Variants in PURA observed in about 807,000 individuals in gnomAD.
PURA encodes the protein purine rich element binding protein A, also known as transcriptional activator protein Pur-alpha.
PURA carries 2 observed loss-of-function variants against 23.1 expected under a neutral mutation model. The observed-to-expected ratio is 0.09, with a 90% confidence interval of 0.04 to 0.27. PURA has a LOEUF of 0.27. PURA is among the 10% of genes least tolerant of loss of function. The pLI, the probability that PURA is intolerant of heterozygous loss-of-function variation, is 1.00. For synonymous variants in PURA, 254 were observed against 205.9 expected, an observed-to-expected ratio of 1.23 and a Z score of -2.00; for missense variants, 187 against 449.7, an observed-to-expected ratio of 0.42 and a Z score of 5.28.
rs748172780 is a variant in PURA at position 140,114,427 on chromosome 5, G to A, written c.246G>A (p.Lys82=). The change falls in exon 1 of 1, where the codon AAG becomes AAA. Residue 82 remains lysine (K), a synonymous_variant. Coordinates refer to ENST00000331327, the MANE Select transcript of PURA (RefSeq NM_005859.5). ...ACCTGGACGTGAAGCAGAACGCCAA[G>A]GGCCGCTTCCTGAAGATCGCCGAGG... ...RFYLDVKQNA[K]GRFLKIAEVG... is the part of the protein sequence containing the mutation. 1.2e-6 allele frequency: 2 copies of A among 1,613,090 alleles called. No homozygotes were observed. The highest frequency in any genetic ancestry group is 1.7e-5 in the Admixed American group (1 of 60,006).
In PURA at chr5:140,117,405, T is replaced by A. The variant is rs921273865; in HGVS notation, c.*2255T>A. The A allele has an allele frequency of 6.0e-6, 1 of 166,914 alleles. No homozygotes were observed. Among genetic ancestry groups the A allele is most frequent in the Non-Finnish European group, 1.5e-5 (1 of 68,102 alleles). 10.3% of individuals were successfully genotyped at this position (166,914 alleles called of 1,614,324 possible). A position where few individuals can be genotyped will look rare whatever the true frequency, so the allele number is the denominator to read the frequency against. On this transcript the variant is annotated 3_prime_UTR_variant, in exon 1 of 1. Transcript: ENST00000331327. The stretch of plus-strand genomic sequence containing the variant: ...GTTTGTTGAGCTGTTTTGTTCACTG[T>A]ACTTTAACTGTGATATGGAAAAGAC...
rs1489527698 is a variant in PURA at position 140,123,338 on chromosome 5, A to G, written c.*8188A>G. The G allele has an allele frequency of 6.0e-6, 1 of 166,968 alleles. No individual in the cohort carries two copies. The highest frequency in any genetic ancestry group is 6.5e-5 in the Admixed American group (1 of 15,276). 10.3% of individuals were successfully genotyped at this position (166,968 alleles called of 1,614,324 possible). On this transcript the variant is annotated 3_prime_UTR_variant, in exon 1 of 1. Coordinates refer to ENST00000331327, the MANE Select transcript of PURA (RefSeq NM_005859.5). ...ATGCTGCATATAGTTGTTAGGGTTT[A>G]TAAAGTTGTCAATGTGTAAAAGTGC...
rs1456240896 is a variant in PURA, at chr5:140,115,647, C to T, written c.*497C>T. On this transcript the variant is annotated 3_prime_UTR_variant, in exon 1 of 1. Coordinates refer to ENST00000331327, the MANE Select transcript of PURA (RefSeq NM_005859.5). This position sits in a 1 kb window ranked among gnomAD's most constrained non-coding sequence, Gnocchi z 4.1. ...CACAAAAAAGAGATATTTTAGAACA[C>T]GTAAAATAATATTTTTAGTTTTTCT... is the stretch of plus-strand genomic sequence containing the variant. 6.0e-6 allele frequency: 1 copy of T among 167,006 alleles called. No individual in the cohort carries two copies. Among genetic ancestry groups the T allele is most frequent in the Middle Eastern group, 3.1e-3 (1 of 318 alleles). The allele number at this position is 167,006 out of a possible 1,614,324, so 10.3% of individuals were successfully genotyped here. A position where few individuals can be genotyped will look rare whatever the true frequency, so the allele number is the denominator to read the frequency against.
rs1305857420 is a variant in PURA, at chr5:140,118,855, A to G, written c.*3705A>G. The G allele has an allele frequency of 6.0e-6, 1 of 166,852 alleles. No individual in the cohort carries two copies. The allele number at this position is 166,852 out of a possible 1,614,324, so 10.3% of individuals were successfully genotyped here. On this transcript the variant is annotated 3_prime_UTR_variant, in exon 1 of 1. Transcript: ENST00000331327. ...ACATCTAGAGAGATGGATAACTTCC[A>G]ATTTGATTTTTCAGGTAATAGAGAA...
Position 140,115,147 on chromosome 5 carries a change from T to C in PURA, c.966T>C (p.Asp322=). 2.0e-6 allele frequency: 3 copies of C among 1,525,370 alleles called. No homozygotes were observed. Among genetic ancestry groups the C allele is most frequent in the South Asian group, 2.5e-5 (2 of 79,242 alleles). The allele number at this position is 1,525,370 out of a possible 1,614,324, so 94.5% of individuals were successfully genotyped here. The stretch of plus-strand genomic sequence containing the variant: ...AGGGTGAGGAAGAAGGGGAAGAAGA[T>C]TGATCAAACTGAATGAAACCCCCAC... The part of the protein sequence containing the change: ...LLQGEEEGEE[D] The change falls in exon 1 of 1, where the codon GAT becomes GAC. Residue 322 remains aspartate, a synonymous_variant. Transcript: ENST00000331327. The surrounding 1 kb of genome is among the most constrained non-coding windows in gnomAD (Gnocchi z 4.1).
At position 140,114,606 on chromosome 5, in the gene PURA, C is replaced by A; in HGVS notation, c.425C>A (p.Ala142Glu). ...CAGGCGCAGGACGAGCCGCGCCGGGCGCTCAAAAGCGAGTTCCTGGTGCGC... is the reference window on the plus strand; with the variant it reads ...CAGGCGCAGGACGAGCCGCGCCGGGAGCTCAAAAGCGAGTTCCTGGTGCGC... ...LAQAQDEPRRALKSEFLVREN... is the reference protein window; with the variant it reads ...LAQAQDEPRRELKSEFLVREN... Residue 142 changes from alanine (A) to glutamate (E), a missense_variant, in exon 1 of 1, where the codon GCG becomes GAG. Ala to Glu is a moderately radical substitution (Grantham distance 107). Around this residue, in one of 9 missense-constraint regions of PURA, gnomAD observed 26 missense variants for 29.1 expected, o/e 0.89. Coordinates refer to ENST00000331327, the MANE Select transcript of PURA (RefSeq NM_005859.5). 1 of 1,606,616 alleles carries A rather than the reference C, an allele frequency of 6.2e-7. No homozygotes were observed. The highest frequency in any genetic ancestry group is 8.5e-7 in the Non-Finnish European group (1 of 1,178,014).
chr5:140,125,285 G>A lies in PURA; in HGVS notation c.*10135G>A, dbSNP rs1296176359. On this transcript the variant is annotated 3_prime_UTR_variant, in exon 1 of 1. Transcript: ENST00000331327. ...TGATAAAATTAGGAACCAACTATTG[G>A]CTTAAAACCTTTCATATTGGAATTA... 6.0e-6 allele frequency: 1 copy of A among 166,812 alleles called. No individual in the cohort carries two copies. Among genetic ancestry groups the A allele is most frequent in the Non-Finnish European group, 1.5e-5 (1 of 68,102 alleles). 10.3% of individuals were successfully genotyped at this position (166,812 alleles called of 1,614,324 possible). A position where few individuals can be genotyped will look rare whatever the true frequency, so the allele number is the denominator to read the frequency against.
rs2013169 is a variant in PURA at position 140,118,020 on chromosome 5, T to A, written c.*2870T>A. 0.22 allele frequency: 36,167 copies of A among 166,838 alleles called. 4,480 individuals are homozygous for A. Among genetic ancestry groups the A allele is most frequent in the African/African-American group, 0.34 (14,085 of 41,424 alleles). 10.3% of individuals were successfully genotyped at this position (166,838 alleles called of 1,614,324 possible). On this transcript the variant is annotated 3_prime_UTR_variant, in exon 1 of 1. Transcript: ENST00000331327. ...CCTCCCAGGTGCTCGGTACTTTACC[T>A]AGTTTCTATATATCAGTGTTTTATG...
chr5:140,115,426 A>G lies in PURA; in HGVS notation c.*276A>G, dbSNP rs533372878. On this transcript the variant is annotated 3_prime_UTR_variant, in exon 1 of 1. Coordinates refer to ENST00000331327, the MANE Select transcript of PURA (RefSeq NM_005859.5). This position sits in a 1 kb window ranked among gnomAD's most constrained non-coding sequence, Gnocchi z 4.1. ...TAAAAACAAAAAAAATACAAAAAGTAATAACATTATATGAACTGTGTTTCC... is the reference window on the plus strand; with the variant it reads ...TAAAAACAAAAAAAATACAAAAAGTGATAACATTATATGAACTGTGTTTCC... 2 of 259,164 alleles carry G rather than the reference A, an allele frequency of 7.7e-6. No individual in the cohort carries two copies. The highest frequency in any genetic ancestry group is 1.6e-5 in the Non-Finnish European group (2 of 128,824). The allele number at this position is 259,164 out of a possible 1,614,324, so 16.1% of individuals were successfully genotyped here.
At position 140,123,471 on chromosome 5, in the gene PURA, T is replaced by A. The variant is rs1044967474; in HGVS notation, c.*8321T>A. The A allele has an allele frequency of 1.2e-5, 2 of 166,922 alleles. No individual in the cohort carries two copies. Among genetic ancestry groups the A allele is most frequent in the African/African-American group, 4.8e-5 (2 of 41,468 alleles). The allele number at this position is 166,922 out of a possible 1,614,324, so 10.3% of individuals were successfully genotyped here. On this transcript the variant is annotated 3_prime_UTR_variant, in exon 1 of 1. Transcript: ENST00000331327. Reference sequence around the variant, plus strand: ...AAGTTAAGGCTAGTCACTTTCACTTTTGTTTCTAGTCTTTTCTAATTTCTT... The same window carrying A: ...AAGTTAAGGCTAGTCACTTTCACTTATGTTTCTAGTCTTTTCTAATTTCTT...
rs1175749394 is a variant in PURA, at chr5:140,120,429, C to T, written c.*5279C>T. The T allele has an allele frequency of 6.0e-6, 1 of 166,662 alleles. No individual in the cohort carries two copies. Among genetic ancestry groups the T allele is most frequent in the Non-Finnish European group, 1.5e-5 (1 of 67,922 alleles). 10.3% of individuals were successfully genotyped at this position (166,662 alleles called of 1,614,324 possible). On this transcript the variant is annotated 3_prime_UTR_variant, in exon 1 of 1. Coordinates refer to ENST00000331327, the MANE Select transcript of PURA (RefSeq NM_005859.5). ...CATTGCATATTAACCAAATTTTGGC[C>T]ATTCATAAGTATGCTATAAAACTAA...
In PURA at chr5:140,119,136, A is replaced by G. The variant is rs1763121962; in HGVS notation, c.*3986A>G. The G allele has an allele frequency of 6.0e-6, 1 of 166,902 alleles. No individual in the cohort carries two copies. Among genetic ancestry groups the G allele is most frequent in the Non-Finnish European group, 1.5e-5 (1 of 68,030 alleles). The allele number at this position is 166,902 out of a possible 1,614,324, so 10.3% of individuals were successfully genotyped here. ...ACAAATATATTAGTCTAAGTTTTGT[A>G]TGCTAACAGAAAGATATAATTTAGC... On this transcript the variant is annotated 3_prime_UTR_variant, in exon 1 of 1. Transcript: ENST00000331327.
At position 140,124,162 on chromosome 5, in the gene PURA, T is replaced by A. The variant is rs551628357; in HGVS notation, c.*9012T>A. ...CACAGTGTTCAGAATTGCAAAAAAA[T>A]TTAAAAATTGATAGTTTTATCAATG... On this transcript the variant is annotated 3_prime_UTR_variant, in exon 1 of 1. Transcript: ENST00000331327. 2.4e-5 allele frequency: 4 copies of A among 167,160 alleles called. No homozygotes were observed. Among genetic ancestry groups the A allele is most frequent in the South Asian group, 2.1e-4 (1 of 4,822 alleles). 10.4% of individuals were successfully genotyped at this position (167,160 alleles called of 1,614,324 possible). A position where few individuals can be genotyped will look rare whatever the true frequency, so the allele number is the denominator to read the frequency against.
chr5:140,122,326 A>G lies in PURA; in HGVS notation c.*7176A>G, dbSNP rs1763161972. The stretch of plus-strand genomic sequence containing the variant: ...TCTATTTTCTTGGGCTCTTGTTACA[A>G]TGTAGTTTACCTTTACTTTTCAAAT... On this transcript the variant is annotated 3_prime_UTR_variant, in exon 1 of 1. Transcript: ENST00000331327. 1 of 166,852 alleles carries G rather than the reference A, an allele frequency of 6.0e-6. No individual in the cohort carries two copies. Among genetic ancestry groups the G allele is most frequent in the Non-Finnish European group, 1.5e-5 (1 of 68,012 alleles). 10.3% of individuals were successfully genotyped at this position (166,852 alleles called of 1,614,324 possible).
Position 140,114,988 on chromosome 5 carries a change from C to T in PURA, c.807C>T (p.His269=), listed in dbSNP as rs760453180. The part of the protein sequence containing the change: ...VPYKVWAKFG[H]TFCKYSEEMK... ...ACAAGGTGTGGGCCAAGTTCGGACA[C>T]ACCTTCTGCAAGTACTCGGAGGAGA... Residue 269 remains histidine, a synonymous_variant, in exon 1 of 1, where the codon CAC becomes CAT. Coordinates refer to ENST00000331327, the MANE Select transcript of PURA (RefSeq NM_005859.5). The T allele has an allele frequency of 3.1e-6, 5 of 1,614,242 alleles. No individual in the cohort carries two copies. The highest frequency in any genetic ancestry group is 4.2e-6 in the Non-Finnish European group (5 of 1,180,044).
At position 140,114,564 on chromosome 5, in the gene PURA, A is replaced by AGCC. The variant is rs1763045638; in HGVS notation, c.388_390dup (p.Pro130dup). 6.2e-7 allele frequency: 1 copy of AGCC among 1,602,262 alleles called. No individual in the cohort carries two copies. Among genetic ancestry groups the AGCC allele is most frequent in the Non-Finnish European group, 8.5e-7 (1 of 1,176,376 alleles). On this transcript the variant is annotated inframe_insertion, in exon 1 of 1. Transcript: ENST00000331327. ...CACTACGCGCAGCTGGGCCCCAGCC[A>AGCC]GCCGCCGGACCTGGCCCAGGCGCAG...
chr5:140,123,242 T>A lies in PURA; in HGVS notation c.*8092T>A, dbSNP rs1159170579. ...CAAACCTGTGTCAAGAACTTGTGATTTAAATGACTGTGAGACAAGTCCTTG... is the reference window on the plus strand; with the variant it reads ...CAAACCTGTGTCAAGAACTTGTGATATAAATGACTGTGAGACAAGTCCTTG... On this transcript the variant is annotated 3_prime_UTR_variant, in exon 1 of 1. Coordinates refer to ENST00000331327, the MANE Select transcript of PURA (RefSeq NM_005859.5). 5 of 166,940 alleles carry A rather than the reference T, an allele frequency of 3.0e-5. No individual in the cohort carries two copies. Among genetic ancestry groups the A allele is most frequent in the Non-Finnish European group, 7.3e-5 (5 of 68,042 alleles). The allele number at this position is 166,940 out of a possible 1,614,324, so 10.3% of individuals were successfully genotyped here.
In PURA at chr5:140,114,460, G is replaced by A. The variant is rs376139846; in HGVS notation, c.279G>A (p.Ala93=). The A allele has an allele frequency of 1.1e-5, 18 of 1,612,732 alleles. No individual in the cohort carries two copies. Among genetic ancestry groups the A allele is most frequent in the Non-Finnish European group, 1.5e-5 (18 of 1,179,686 alleles). The change falls in exon 1 of 1, where the codon GCG becomes GCA. Residue 93 remains alanine (A), a synonymous_variant. Coordinates refer to ENST00000331327, the MANE Select transcript of PURA (RefSeq NM_005859.5). ...GRFLKIAEVG[A]GGNKSRLTLS... ...TCCTGAAGATCGCCGAGGTGGGCGCGGGCGGCAACAAGAGCCGCCTTACTC... is the reference window on the plus strand; with the variant it reads ...TCCTGAAGATCGCCGAGGTGGGCGCAGGCGGCAACAAGAGCCGCCTTACTC...
In PURA at chr5:140,124,374, G is replaced by C. The variant is rs1763183710; in HGVS notation, c.*9224G>C. 6.0e-6 allele frequency: 1 copy of C among 166,842 alleles called. No homozygotes were observed. The highest frequency in any genetic ancestry group is 2.1e-4 in the South Asian group (1 of 4,822). The allele number at this position is 166,842 out of a possible 1,614,324, so 10.3% of individuals were successfully genotyped here. ...TCCAGATTGGGGGGGGAGAGGTGGT[G>C]TTTTACTTTTTGACATGCTCTTAGC... is the stretch of plus-strand genomic sequence containing the variant. On this transcript the variant is annotated 3_prime_UTR_variant, in exon 1 of 1. Coordinates refer to ENST00000331327, the MANE Select transcript of PURA (RefSeq NM_005859.5).
Sources: gnomAD v4.1 joint callset for allele counts on GRCh38, gnomAD v4.1.1 for gene constraint, gnomAD v4.1.1 regional missense constraint, Gnocchi (gnomAD v3.1) non-coding constraint, MANE v1.5 for transcripts, NCBI Gene and HGNC (gene_info 2026-07-23, HGNC 2026-07-21) for gene names.